The following TRPV3 variants were observed in gnomAD, a reference collection of about 807,000 sequenced individuals.
TRPV3 encodes VRL-3.
In TRPV3, 88 loss-of-function variants were observed where a neutral mutation model predicts 87.1. The observed-to-expected ratio is 1.01, with a 90% CI of 0.85 to 1.21. TRPV3 has a LOEUF of 1.21. Ranked by LOEUF, TRPV3 falls within the 50% of genes most tolerant of loss-of-function variation. The probability of loss-of-function intolerance (pLI) is 0.00; values close to 1 mark genes in which losing one functional copy is unlikely to be tolerated. For synonymous variants in TRPV3, 438 were observed against 423.3 expected, an observed-to-expected ratio of 1.03 and a Z score of -0.43; for missense variants, 1,054 against 1,030.1, an observed-to-expected ratio of 1.02 and a Z score of -0.32.
chr17:3,554,626 G>T, intron 2 of TRPV3, 106 bp downstream of exon 2: 1 of 787,234 alleles, frequency 1.3e-6, no homozygotes, highest in Non-Finnish European at 2.1e-6. Context: ...GGGCGAGACT[G>T]AGAGTCTCAG....
At chr17:3,546,294 TAGAC>T (rs2150803942) in intron 2 of TRPV3, among the ~76,000 whole-genome samples, 1 of 151,766 alleles carries the variant, frequency 6.6e-6, no homozygotes, top group African/African-American at 2.4e-5. Flanking sequence ...ATACAAAAAT[TAGAC>T]AGGCGTCGTG....
chr17:3,557,283 G>A lies in TRPV3; in HGVS notation c.-3+393C>T, dbSNP rs923339151. ...TGCCTGGGCCCCGTCTGTCTCCCAC[G>A]GTGGGGCCACCTCCTCCCATCCTGA... On this transcript the variant is annotated intron_variant, in intron 1 of 17. Transcript: ENST00000576742. This position sits in a 1 kb window ranked among gnomAD's most constrained non-coding sequence, Gnocchi z 4.5. Among the ~76,000 whole-genome samples, 2 of 152,082 alleles carry A rather than the reference G, an allele frequency of 1.3e-5. No homozygotes were observed. The highest frequency in any genetic ancestry group is 2.1e-4 in the South Asian group (1 of 4,822).
At chr17:3,535,192 C>G (rs1188068464) in intron 7 of TRPV3, among the ~76,000 whole-genome samples, 1 of 134,546 alleles carries the variant, frequency 7.4e-6, no homozygotes, top group Non-Finnish European at 1.6e-5. Flanking sequence ...CCCTTCCTCC[C>G]TCTCCCTCCT....
At chr17:3,527,151 C>T (rs2074307377) in intron 11 of TRPV3, among the ~76,000 whole-genome samples, 1 of 152,142 alleles carries the variant, frequency 6.6e-6, no homozygotes, top group Non-Finnish European at 1.5e-5. Context: ...TCCCTCACTC[C>T]TTACCCCATC....
rs2074475924 is a variant in TRPV3 at position 3,542,586 on chromosome 17, A to G, written c.579T>C (p.Phe193=). 6.2e-7 allele frequency: 1 copy of G among 1,613,872 alleles called. No homozygotes were observed. Among genetic ancestry groups the G allele is most frequent in the African/African-American group, 1.3e-5 (1 of 74,888 alleles). ...TKEIVRILLA[F]AEENDILGRF... ...TGCCCAGGATGTCGTTCTCTTCAGC[A>G]AAGGCAAGCAGGATCCGCACTATCT... The change falls in exon 6 of 18, where the codon TTT becomes TTC. Residue 193 remains phenylalanine (F), a synonymous_variant. Coordinates refer to ENST00000576742, the MANE Select transcript of TRPV3 (RefSeq NM_145068.4).
intron 2 of TRPV3, chr17:3,552,543 G>C (rs1035572853): frequency 6.6e-6 from 1 of 152,270 alleles, no homozygotes; most frequent in Non-Finnish European, 1.5e-5. Flanking sequence ...CCCCGACTCA[G>C]CTCTGAGGGG....
rs115770751 is a variant in TRPV3 at position 3,554,756 on chromosome 17, G to A, written c.95C>T (p.Ala32Val). The A allele has an allele frequency of 1.4e-5, 23 of 1,612,084 alleles. No homozygotes were observed. The highest frequency in any genetic ancestry group is 1.2e-4 in the Admixed American group (7 of 59,806). ...NPAILPEKRP[A>V]EITPTKKSAH... Reference sequence around the variant, plus strand: ...CCTCTTCTTTGTGGGGGTGATCTCCGCCGGCCTCTTCTCTGGCAGGATGGC... The same window carrying A: ...CCTCTTCTTTGTGGGGGTGATCTCCACCGGCCTCTTCTCTGGCAGGATGGC... The change falls in exon 2 of 18, where the codon GCG becomes GTG. Residue 32 changes from alanine (A) to valine (V), a missense_variant. By Grantham distance (64) the Ala-to-Val change is moderately conservative (BLOSUM62 0). Coordinates refer to ENST00000576742, the MANE Select transcript of TRPV3 (RefSeq NM_145068.4).
intron 1 of TRPV3, among the ~76,000 whole-genome samples, chr17:3,555,969 G>A (rs911559423): frequency 1.3e-5 from 2 of 152,168 alleles, no homozygotes; most frequent in Non-Finnish European, 2.9e-5. Context: ...CTGAGCTCAG[G>A]AGTTCAAGAC....
In TRPV3 at chr17:3,515,947, G is replaced by A. The variant is rs528123019; in HGVS notation, c.2198+510C>T. ...CATGCCTGTAATCCCAGCACTTTGG[G>A]AGGCCAAGGTGGGTGGATCACCTGA... On this transcript the variant is annotated intron_variant, in intron 16 of 17. Coordinates refer to ENST00000576742, the MANE Select transcript of TRPV3 (RefSeq NM_145068.4). Among the ~76,000 whole-genome samples the A allele has an allele frequency of 4.6e-5, 7 of 152,264 alleles. No individual in the cohort carries two copies. In the South Asian group the frequency reaches 1.5e-3, roughly 32 times the overall value.
At chr17:3,520,088 CAAAT>C (rs1417951622) in intron 14 of TRPV3, among the ~76,000 whole-genome samples, 2 of 150,956 alleles carry the variant, frequency 1.3e-5, no homozygotes, top group Non-Finnish European at 2.9e-5. Context: ...GGTGAAGGAG[CAAAT>C]AAATAAGCAA....
At chr17:3,540,681 C>T (rs1241723306) in intron 6 of TRPV3, among the ~76,000 whole-genome samples, 2 of 152,162 alleles carry the variant, frequency 1.3e-5, no homozygotes, top group African/African-American at 4.8e-5. Flanking sequence ...GTTCGTAAGT[C>T]CTACAATACT....
intron 2 of TRPV3, chr17:3,552,760 C>T (rs952370623): frequency 6.6e-6 from 1 of 152,252 alleles, no homozygotes; most frequent in Non-Finnish European, 1.5e-5. Flanking sequence ...TGGGATTTTC[C>T]CAAAACTCTA....
intron 6 of TRPV3, chr17:3,539,648 G>C (rs1248905087): frequency 6.6e-6 from 1 of 150,926 alleles, no homozygotes; most frequent in Non-Finnish European, 1.5e-5. Context: ...GTGAGAACCT[G>C]TCTCAAAAAC....
intron 14 of TRPV3, among the ~76,000 whole-genome samples, chr17:3,519,482 T>C (rs7207971): frequency 1.1e-5 from 1 of 91,368 alleles, no homozygotes; most frequent in African/African-American, 4.4e-5. Context: ...GGATAGATGA[T>C]TGGATGGATG....
chr17:3,516,653 C>G, intron 15 of TRPV3, 84 bp from the exon 16 acceptor site: 1 of 918,654 alleles, frequency 1.1e-6, no homozygotes, highest in Non-Finnish European at 1.8e-6. Flanking sequence ...GGAGCCCACT[C>G]CACCCTCACC....
intron 6 of TRPV3, among the ~76,000 whole-genome samples, chr17:3,540,563 T>C (rs573612212): frequency 6.6e-6 from 1 of 152,228 alleles, no homozygotes; most frequent in South Asian, 2.1e-4. Context: ...ATCCAAAAAA[T>C]ATGTACTAAG....
intron 2 of TRPV3, chr17:3,546,500 T>TA: frequency 2.9e-6 from 1 of 350,184 alleles, no homozygotes; most frequent in East Asian, 7.9e-5. Context: ...AGATATGCAT[T>TA]TGTCTCAGTG....
At chr17:3,531,250 C>A (rs534396336) in intron 8 of TRPV3, among the ~76,000 whole-genome samples, 19 of 152,196 alleles carry the variant, frequency 1.2e-4, no homozygotes, top group African/African-American at 4.6e-4. Context: ...CCTGGGTTAC[C>A]CCAGGATGAG....
intron 4 of TRPV3, 104 bp from the exon 5 acceptor site, chr17:3,543,732 C>T: frequency 6.8e-7 from 1 of 1,470,258 alleles, no homozygotes; most frequent in Admixed American, 1.8e-5. Context: ...CTGCCGCCAA[C>T]ATCTCCCATG....
Sources: gnomAD v4.1 joint callset for allele counts (sites outside exome capture counted in the v4.1 genomes callset) on GRCh38, gnomAD v4.1.1 for gene constraint, Gnocchi (gnomAD v3.1) non-coding constraint, MANE v1.5 for transcripts, NCBI Gene and HGNC (gene_info 2026-07-23, HGNC 2026-07-21) for gene names.